Variants in FIP1L1 observed in about 807,000 individuals in gnomAD.
FIP1L1 encodes factor interacting with PAPOLA and CPSF1.
FIP1L1 carries 21 observed loss-of-function variants against 84.6 expected under a neutral mutation model. The observed-to-expected ratio is 0.25, with a 90% CI of 0.18 to 0.36. FIP1L1 has a LOEUF of 0.36. Ranked by LOEUF, FIP1L1 falls within the 10% of genes least tolerant of loss-of-function variation. FIP1L1 has a pLI of 1.00. For synonymous variants in FIP1L1, 263 were observed against 242.3 expected (o/e 1.09, Z -0.80); for missense variants, 526 against 751.1 (o/e 0.70, Z 3.50).
intron 10 of FIP1L1, among the ~76,000 whole-genome samples, chr4:53,411,831 ATGCTT>A (rs1757367144): frequency 6.6e-6 from 1 of 152,192 alleles, no homozygotes; most frequent in Non-Finnish European, 1.5e-5. Context: ...ATATATCAGA[ATGCTT>A]TGCTTAATCT....
intron 16 of FIP1L1, 105 bp downstream of exon 16, chr4:53,453,238 CAG>C: frequency 2.3e-6 from 3 of 1,301,566 alleles, no homozygotes; most frequent in Non-Finnish European, 3.2e-6. Flanking sequence ...AAGAGATGCT[CAG>C]GGAGTACATA....
chr4:53,432,568 G>A (rs2150082539), intron 13 of FIP1L1, among the ~76,000 whole-genome samples: 1 of 152,132 alleles, frequency 6.6e-6, no homozygotes, highest in South Asian at 2.1e-4. Context: ...CTTTTTCTGA[G>A]TAATAATAGA....
intron 10 of FIP1L1, among the ~76,000 whole-genome samples, chr4:53,406,698 G>T (rs2149601732): frequency 6.6e-6 from 1 of 152,264 alleles, no homozygotes; most frequent in South Asian, 2.1e-4. Context: ...CCTATTATTG[G>T]TCTATTCAGG....
At chr4:53,416,960 C>T (rs931198156) in intron 11 of FIP1L1, among the ~76,000 whole-genome samples, 5 of 150,912 alleles carry the variant, frequency 3.3e-5, no homozygotes, top group Admixed American at 3.3e-4. Context: ...GAGACCCTGT[C>T]TCAAAAAAAA....
chr4:53,413,423 A>G (rs1017446436), intron 10 of FIP1L1, among the ~76,000 whole-genome samples: 4 of 152,102 alleles, frequency 2.6e-5, no homozygotes, highest in African/African-American at 9.7e-5. Context: ...GTGTTTTTTA[A>G]AATACATTTT....
intron 9 of FIP1L1, among the ~76,000 whole-genome samples, chr4:53,399,267 C>T (rs752505570): frequency 1.5e-4 from 23 of 152,182 alleles, no homozygotes; most frequent in Non-Finnish European, 2.8e-4. Context: ...GCAGATTATT[C>T]ACATTTGTGT....
chr4:53,391,542 C>A, intron 9 of FIP1L1, 44 bp downstream of exon 9: 2 of 1,401,516 alleles, frequency 1.4e-6, no homozygotes, highest in Non-Finnish European at 2.0e-6. Flanking sequence ...ATTTTTTGTT[C>A]TTGAGTCTGC....
intron 15 of FIP1L1, among the ~76,000 whole-genome samples, chr4:53,452,008 C>T (rs1240752355): frequency 3.3e-5 from 5 of 151,890 alleles, no homozygotes; most frequent in African/African-American, 9.7e-5. Flanking sequence ...CTCAGCCTCC[C>T]GAGTAGCTGC....
rs1163981972 is a variant in FIP1L1 at position 53,459,801 on chromosome 4, A to G, written c.*352A>G. The G allele has an allele frequency of 6.4e-6, 2 of 314,412 alleles. No homozygotes were observed. The highest frequency in any genetic ancestry group is 5.0e-5 in the South Asian group (1 of 20,066). 19.5% of individuals were successfully genotyped at this position (314,412 alleles called of 1,614,324 possible). A position where few individuals can be genotyped will look rare whatever the true frequency, so the allele number is the denominator to read the frequency against. Reference sequence around the variant, plus strand: ...GCCACAGTTTTTTTGTTAATCAAACACCACTCTCTTAAGAGGCTGCATCAC... The same window carrying G: ...GCCACAGTTTTTTTGTTAATCAAACGCCACTCTCTTAAGAGGCTGCATCAC... On this transcript the variant is annotated 3_prime_UTR_variant, in exon 18 of 18. Coordinates refer to ENST00000337488, the MANE Select transcript of FIP1L1 (RefSeq NM_030917.4).
intron 11 of FIP1L1, among the ~76,000 whole-genome samples, chr4:53,420,196 T>TAAA: frequency 4.8e-4 from 1 of 2,064 alleles, no homozygotes; most frequent in Non-Finnish European, 1.1e-3. Flanking sequence ...AGACTCCGTC[T>TAAA]CAAAAAAAAA....
chr4:53,379,277 T>G lies in FIP1L1; in HGVS notation c.170+13T>G. 1 of 1,581,512 alleles carries G rather than the reference T, an allele frequency of 6.3e-7. No homozygotes were observed. The highest frequency in any genetic ancestry group is 8.6e-7 in the Non-Finnish European group (1 of 1,169,058). On this transcript the variant is annotated intron_variant, in intron 3 of 17. Coordinates refer to ENST00000337488, the MANE Select transcript of FIP1L1 (RefSeq NM_030917.4). ...AAGAAAATGCCAGGTTAGTGAAATT[T>G]TCTGTTGATGCCTATTACACAGGTT...
chr4:53,434,693 C>A (rs907818112), intron 13 of FIP1L1, among the ~76,000 whole-genome samples: 1 of 152,110 alleles, frequency 6.6e-6, no homozygotes, highest in East Asian at 1.9e-4. Context: ...GTCTTGAACT[C>A]CTGACCTCAA....
intron 13 of FIP1L1, among the ~76,000 whole-genome samples, chr4:53,439,312 T>C (rs554253331): frequency 6.6e-6 from 1 of 152,222 alleles, no homozygotes; most frequent in African/African-American, 2.4e-5. Context: ...ATAAAGATTT[T>C]TGAAACTTGA....
chr4:53,391,500 T>C lies in FIP1L1; in HGVS notation c.705+2T>C, dbSNP rs1286985263. 1 of 1,606,086 alleles carries C rather than the reference T, an allele frequency of 6.2e-7. No homozygotes were observed. Among genetic ancestry groups the C allele is most frequent in the Non-Finnish European group, 8.5e-7 (1 of 1,173,002 alleles). The stretch of plus-strand genomic sequence containing the variant: ...GATGGCAGATTCAATCTTTTTAAGG[T>C]GAATTTTAGTAAATTATCCTTGGTT... On this transcript the variant is annotated splice_donor_variant, in intron 9 of 17. Coordinates refer to ENST00000337488, the MANE Select transcript of FIP1L1 (RefSeq NM_030917.4). LOFTEE classifies it high-confidence loss of function.
At chr4:53,386,432 A>G (rs1174133334) in intron 5 of FIP1L1, among the ~76,000 whole-genome samples, 6 of 152,326 alleles carry the variant, frequency 3.9e-5, no homozygotes, top group Non-Finnish European at 7.4e-5. Flanking sequence ...ACAGGAAGTT[A>G]TTATTTTCCA....
chr4:53,407,896 G>A (rs1201439428), intron 10 of FIP1L1, among the ~76,000 whole-genome samples: 1 of 152,116 alleles, frequency 6.6e-6, no homozygotes, highest in Non-Finnish European at 1.5e-5. Context: ...GTCTCTGCAT[G>A]TGAGATGTGT....
chr4:53,425,809 C>A (rs1424251116), intron 11 of FIP1L1, 63 bp from the exon 12 acceptor site: 4 of 1,184,758 alleles, frequency 3.4e-6, no homozygotes, highest in East Asian at 4.9e-5. Flanking sequence ...TTTCTCACTG[C>A]TTTTATTATT....
chr4:53,455,954 A>G (rs1429747803), intron 16 of FIP1L1, among the ~76,000 whole-genome samples: 1 of 152,088 alleles, frequency 6.6e-6, no homozygotes, highest in South Asian at 2.1e-4. Flanking sequence ...GTGTGTGTGC[A>G]TGAGTATATG....
intron 8 of FIP1L1, 105 bp downstream of exon 8, chr4:53,391,244 T>C: frequency 7.5e-7 from 1 of 1,341,782 alleles, no homozygotes; most frequent in South Asian, 1.4e-5. Flanking sequence ...TATATGATAG[T>C]TTAAAAATTC....
Sources: allele counts gnomAD v4.1 joint callset (sites outside exome capture counted in the v4.1 genomes callset), GRCh38; gene constraint gnomAD v4.1.1; transcripts MANE v1.5; gene names NCBI Gene and HGNC (gene_info 2026-07-23, HGNC 2026-07-21).